Variants in HIP1R observed in about 807,000 individuals in gnomAD.
The protein encoded by HIP1R is huntingtin interacting protein 1 related, also known as huntingtin-interacting protein 1-related protein.
Under a neutral mutation model 144.2 loss-of-function variants are expected in HIP1R, and 135 were observed. The observed-to-expected ratio is 0.94, with a 90% CI of 0.81 to 1.08. HIP1R has a LOEUF of 1.08. HIP1R is among the 50% of genes least tolerant of loss of function. The probability of loss-of-function intolerance (pLI) is 0.00; values close to 1 mark genes in which losing one functional copy is unlikely to be tolerated. For missense variants in HIP1R, 1,462 were observed against 1,432.8 expected (o/e 1.02, Z -0.33); for synonymous variants, 698 against 612.8 (o/e 1.14, Z -2.05).
chr12:122,842,918 G>A (rs1192851326), intron 1 of HIP1R, among the ~76,000 whole-genome samples: 1 of 152,246 alleles, frequency 6.6e-6, no homozygotes, highest in South Asian at 2.1e-4. Flanking sequence ...AAGCAGGGCA[G>A]GTGTATCCTG....
intron 1 of HIP1R, among the ~76,000 whole-genome samples, chr12:122,843,853 ATTGTT>A (rs1189721562): frequency 6.6e-6 from 1 of 151,886 alleles, no homozygotes; most frequent in Admixed American, 6.6e-5. Flanking sequence ...ACTCTCTATT[ATTGTT>A]TTGTTTTGTT....
In HIP1R at chr12:122,860,163, G is replaced by T; in HGVS notation, c.2512G>T (p.Val838Leu). ...TDLMKAIRLL[V>L]TTSTSLQKEI... is the part of the protein sequence containing the mutation. ...GTCTCGGCAGGCTATCCGGCTCCTG[G>T]TGACGACATCCACTAGCCTGCAGAA... The change falls in exon 26 of 32, where the codon GTG becomes TTG. Residue 838 changes from valine (V) to leucine (L), a missense_variant. Val to Leu is a conservative substitution (Grantham distance 32). Coordinates refer to ENST00000253083, the MANE Select transcript of HIP1R (RefSeq NM_003959.3). 3.2e-6 allele frequency: 5 copies of T among 1,575,434 alleles called. No homozygotes were observed. The highest frequency in any genetic ancestry group is 4.3e-6 in the Non-Finnish European group (5 of 1,162,518).
At chr12:122,858,658 A>G (rs1214798328) in intron 20 of HIP1R, among the ~76,000 whole-genome samples, 180 bp from the exon 21 acceptor site, 4 of 152,152 alleles carry the variant, frequency 2.6e-5, no homozygotes, top group Non-Finnish European at 5.9e-5. Flanking sequence ...GTGGCAGAGC[A>G]CTGAAGGGCC....
chr12:122,849,499 C>A (rs191241871), intron 4 of HIP1R, among the ~76,000 whole-genome samples: 10 of 152,390 alleles, frequency 6.6e-5, no homozygotes, highest in Admixed American at 2.0e-4. Flanking sequence ...ATGGTGCCAC[C>A]TGCAGATGCA....
At position 122,858,923 on chromosome 12, in the gene HIP1R, G is replaced by A; in HGVS notation, c.2136G>A (p.Leu712=). 1.2e-6 allele frequency: 2 copies of A among 1,613,178 alleles called. No individual in the cohort carries two copies. Among genetic ancestry groups the A allele is most frequent in the Non-Finnish European group, 1.7e-6 (2 of 1,179,996 alleles). ...TCAATGGCGGTGCCACCTCGCACCTGGCTCCCACCGACCCTGCCGACCGTA... is the reference window on the plus strand; with the variant it reads ...TCAATGGCGGTGCCACCTCGCACCTAGCTCCCACCGACCCTGCCGACCGTA... ...TIINGGATSH[L]APTDPADRLI... Residue 712 remains leucine, a synonymous_variant, in exon 21 of 32, where the codon CTG becomes CTA. Coordinates refer to ENST00000253083, the MANE Select transcript of HIP1R (RefSeq NM_003959.3).
intron 16 of HIP1R, 28 bp from the exon 17 acceptor site, chr12:122,856,597 G>T (rs1302870302): frequency 1.9e-6 from 3 of 1,599,444 alleles, no homozygotes; most frequent in South Asian, 1.1e-5. Flanking sequence ...CCAGCCCACT[G>T]CCCCAGTGAC....
In HIP1R at chr12:122,856,117, C is replaced by G. The variant is rs1244267445; in HGVS notation, c.1266C>G (p.Ala422=). 3.1e-5 allele frequency: 50 copies of G among 1,589,628 alleles called. No individual in the cohort carries two copies. Among genetic ancestry groups the G allele is most frequent in the Non-Finnish European group, 4.0e-5 (47 of 1,168,564 alleles). ...LRHELAQLRA[A]QLEGERSQGL... is the part of the protein sequence containing the mutation. ...ACGAGCTGGCCCAGCTGAGGGCTGC[C>G]CAGCTGGAGGGCGAGCGGAGCCAGG... is the stretch of plus-strand genomic sequence containing the variant. Residue 422 remains alanine, a synonymous_variant, in exon 14 of 32, where the codon GCC becomes GCG. Transcript: ENST00000253083.
rs1439351512 is a variant in HIP1R, at chr12:122,840,043, G to A, written c.93+4400G>A. 1.3e-5 allele frequency among the ~76,000 whole-genome samples: 2 copies of A among 152,264 alleles called. No individual in the cohort carries two copies. The highest frequency in any genetic ancestry group is 4.8e-5 in the African/African-American group (2 of 41,472). Reference sequence around the variant, plus strand: ...GTTGTTCCTGGGCATGCGCACTGCTGTCTCGCCCCGTGACATCCTCTGCTC... The same window carrying A: ...GTTGTTCCTGGGCATGCGCACTGCTATCTCGCCCCGTGACATCCTCTGCTC... On this transcript the variant is annotated intron_variant, in intron 1 of 31. Coordinates refer to ENST00000253083, the MANE Select transcript of HIP1R (RefSeq NM_003959.3). This position sits in a 1 kb window ranked among gnomAD's most constrained non-coding sequence, Gnocchi z 4.2.
chr12:122,856,112 G>C lies in HIP1R; in HGVS notation c.1261G>C (p.Ala421Pro), dbSNP rs1230549470. ...CCGCCACGAGCTGGCCCAGCTGAGGGCTGCCCAGCTGGAGGGCGAGCGGAG... is the reference window on the plus strand; with the variant it reads ...CCGCCACGAGCTGGCCCAGCTGAGGCCTGCCCAGCTGGAGGGCGAGCGGAG... ...QLRHELAQLR[A>P]AQLEGERSQG... is the part of the protein sequence containing the mutation. Residue 421 changes from alanine (A) to proline (P), a missense_variant, in exon 14 of 32, where the codon GCT becomes CCT. Coordinates refer to ENST00000253083, the MANE Select transcript of HIP1R (RefSeq NM_003959.3). 6.3e-7 allele frequency: 1 copy of C among 1,587,968 alleles called. No individual in the cohort carries two copies. The highest frequency in any genetic ancestry group is 8.6e-7 in the Non-Finnish European group (1 of 1,167,814).
At chr12:122,859,709 T>A (rs1266981725) in intron 23 of HIP1R, 63 bp from the exon 24 acceptor site, 2 of 1,578,244 alleles carry the variant, frequency 1.3e-6, no homozygotes, top group East Asian at 2.2e-5. Flanking sequence ...GAGGCAGCCC[T>A]GGCTTTCCCA....
Position 122,856,311 on chromosome 12 carries a change from G to A in HIP1R, c.1368G>A (p.Glu456=). The change falls in exon 15 of 32, where the codon GAG becomes GAA. Residue 456 remains glutamate, a synonymous_variant. Coordinates refer to ENST00000253083, the MANE Select transcript of HIP1R (RefSeq NM_003959.3). ...ACAAGCTGAAGGAAAAGCACAGTGA[G>A]CTCGTCCATGTGCACGCGGAGCTGC... ...RYNKLKEKHS[E]LVHVHAELLR... The A allele has an allele frequency of 6.2e-7, 1 of 1,613,928 alleles. No individual in the cohort carries two copies. Among genetic ancestry groups the A allele is most frequent in the Non-Finnish European group, 8.5e-7 (1 of 1,180,008 alleles).
Position 122,854,128 on chromosome 12 carries a change from G to A in HIP1R, c.663G>A (p.Gln221=), listed in dbSNP as rs756383496. 7.4e-6 allele frequency: 12 copies of A among 1,613,892 alleles called. No homozygotes were observed. In the Admixed American group the frequency reaches 1.8e-4, roughly 25 times the overall value. The part of the protein sequence containing the change: ...CRLAPLIQVI[Q]DCSHLYHYTV... Reference sequence around the variant, plus strand: ...TGGCCCCCCTCATCCAGGTCATCCAGGACTGCAGCCACCTCTACCACTACA... The same window carrying A: ...TGGCCCCCCTCATCCAGGTCATCCAAGACTGCAGCCACCTCTACCACTACA... The change falls in exon 8 of 32, where the codon CAG becomes CAA. Residue 221 remains glutamine, a synonymous_variant. Transcript: ENST00000253083.
chr12:122,848,960 T>C, intron 4 of HIP1R, 108 bp downstream of exon 4: 1 of 1,179,226 alleles, frequency 8.5e-7, no homozygotes, highest in Non-Finnish European at 1.3e-6. Context: ...GTGGCTGGGT[T>C]TTCCCAGGGG....
rs117356130 is a variant in HIP1R, at chr12:122,855,973, C to T, written c.1129-7C>T. On this transcript the variant is annotated splice_region_variant and splice_polypyrimidine_tract_variant and intron_variant, in intron 13 of 31. Transcript: ENST00000253083. ...GGCAGGGCCCCACGTCACACCTCCT[C>T]CCGCAGGCCCAGCGGTACATCGCGC... is the stretch of plus-strand genomic sequence containing the variant. The T allele has an allele frequency of 2.5e-4, 402 of 1,580,818 alleles. No homozygotes were observed. Among genetic ancestry groups the T allele is most frequent in the Middle Eastern group, 1.5e-3 (9 of 6,004 alleles).
chr12:122,860,509 A>C lies in HIP1R; in HGVS notation c.2646A>C (p.Gly882=). The C allele has an allele frequency of 6.3e-7, 1 of 1,589,670 alleles. No homozygotes were observed. The highest frequency in any genetic ancestry group is 8.6e-7 in the Non-Finnish European group (1 of 1,159,912). The stretch of plus-strand genomic sequence containing the variant: ...CGGCCTCCAAGGCTGTGGGCTGGGG[A>C]GCCACACAGCTGGTGTAGGTTGCCC... The part of the protein sequence containing the change: ...LISASKAVGW[G]ATQLVEAADK... The change falls in exon 27 of 32, where the codon GGA becomes GGC. Residue 882 remains glycine (G), a synonymous_variant. Transcript: ENST00000253083.
At position 122,855,988 on chromosome 12, in the gene HIP1R, G is replaced by A; in HGVS notation, c.1137G>A (p.Arg379=). The A allele has an allele frequency of 6.3e-7, 1 of 1,588,156 alleles. No individual in the cohort carries two copies. The highest frequency in any genetic ancestry group is 1.1e-5 in the South Asian group (1 of 87,180). The change falls in exon 14 of 32, where the codon CGG becomes CGA. Residue 379 remains arginine, a synonymous_variant. Transcript: ENST00000253083. ...CACACCTCCTCCCGCAGGCCCAGCG[G>A]TACATCGCGCAGCTGAAGAGCCAGG... ...ELEKIKLEAQ[R]YIAQLKSQVN...
At position 122,840,055 on chromosome 12, in the gene HIP1R, G is replaced by A. The variant is rs2033015330; in HGVS notation, c.93+4412G>A. On this transcript the variant is annotated intron_variant, in intron 1 of 31. Transcript: ENST00000253083. This position sits in a 1 kb window ranked among gnomAD's most constrained non-coding sequence, Gnocchi z 4.2. ...CATGCGCACTGCTGTCTCGCCCCGT[G>A]ACATCCTCTGCTCGGTTCCACCCCA... Among the ~76,000 whole-genome samples the A allele has an allele frequency of 6.6e-6, 1 of 152,268 alleles. No individual in the cohort carries two copies. Among genetic ancestry groups the A allele is most frequent in the Admixed American group, 6.5e-5 (1 of 15,288 alleles).
At chr12:122,839,660 G>A (rs2033002648) in intron 1 of HIP1R, among the ~76,000 whole-genome samples, 1 of 152,190 alleles carries the variant, frequency 6.6e-6, no homozygotes, top group Non-Finnish European at 1.5e-5. Context: ...CTTTTAGATT[G>A]TCTAGTAACT....
Position 122,858,201 on chromosome 12 carries a change from G to T in HIP1R, c.1915G>T (p.Val639Leu). 1.2e-6 allele frequency: 2 copies of T among 1,608,202 alleles called. No individual in the cohort carries two copies. Among genetic ancestry groups the T allele is most frequent in the Non-Finnish European group, 1.7e-6 (2 of 1,177,304 alleles). The change falls in exon 19 of 32, where the codon GTG becomes TTG. Residue 639 changes from valine (V) to leucine (L), a missense_variant. This residue lies in a region of HIP1R where 1,112 missense variants were observed against 1,011.7 expected (regional missense o/e 1.10). Coordinates refer to ENST00000253083, the MANE Select transcript of HIP1R (RefSeq NM_003959.3). ...AEAAGILQDA[V>L]SKLDDPLHLR... is the part of the protein sequence containing the mutation. ...GGCCGCGGGCATCCTGCAGGATGCCGTGAGCAAGCTGGACGACCCCCTGCA... is the reference window on the plus strand; with the variant it reads ...GGCCGCGGGCATCCTGCAGGATGCCTTGAGCAAGCTGGACGACCCCCTGCA...
Sources: gnomAD v4.1 joint callset for allele counts (sites outside exome capture counted in the v4.1 genomes callset) on GRCh38, gnomAD v4.1.1 for gene constraint, gnomAD v4.1.1 regional missense constraint, Gnocchi (gnomAD v3.1) non-coding constraint, MANE v1.5 for transcripts, NCBI Gene and HGNC (gene_info 2026-07-23, HGNC 2026-07-21) for gene names.